MSRA: variants seen among roughly 807,000 people sequenced by gnomAD.
MSRA encodes methionine sulfoxide reductase A.
In MSRA, 54 loss-of-function variants were observed where a neutral mutation model predicts 31.3. The ratio of observed to expected loss-of-function variants is 1.73; its 90% CI spans 1.39 to 2.17. The LOEUF (loss-of-function observed/expected upper bound fraction) is 2.17. Ranked by LOEUF, MSRA falls within the 30% of genes most tolerant of loss-of-function variation. The pLI is 0.00. For missense variants in MSRA, 507 were observed against 300.9 expected (o/e 1.69, Z -5.07); for synonymous variants, 169 against 116.5 (o/e 1.45, Z -2.90).
At chr8:10,326,905 G>T (rs964012778) in intron 5 of MSRA, among the ~76,000 whole-genome samples, 6 of 152,154 alleles carry the variant, frequency 3.9e-5, no homozygotes, top group Non-Finnish European at 7.3e-5. Flanking sequence ...CTTCCATCCT[G>T]AGAATGTGAC....
intron 5 of MSRA, among the ~76,000 whole-genome samples, chr8:10,350,339 G>A (rs1419519054): frequency 1.3e-5 from 2 of 152,162 alleles, no homozygotes; most frequent in South Asian, 4.1e-4. Flanking sequence ...CCAAGTCTTC[G>A]GCCGCTGCAT....
intron 1 of MSRA, among the ~76,000 whole-genome samples, chr8:10,106,184 G>A (rs969294007): frequency 6.6e-6 from 1 of 152,174 alleles, no homozygotes; most frequent in African/African-American, 2.4e-5. Context: ...GTGGAAGTCA[G>A]ACCTTGAGGT....
chr8:10,420,621 A>C (rs1442704363), intron 5 of MSRA, among the ~76,000 whole-genome samples: 1 of 151,998 alleles, frequency 6.6e-6, no homozygotes, highest in Non-Finnish European at 1.5e-5. Context: ...AGAGTTACTA[A>C]CCCAGCCAGG....
At chr8:10,427,695 C>A (rs1300378255) in intron 5 of MSRA, among the ~76,000 whole-genome samples, 1 of 152,178 alleles carries the variant, frequency 6.6e-6, no homozygotes, top group Non-Finnish European at 1.5e-5. Context: ...CTGTCCATCC[C>A]TACCCTGTCC....
At chr8:10,339,970 T>G (rs1011997298) in intron 5 of MSRA, among the ~76,000 whole-genome samples, 1 of 152,180 alleles carries the variant, frequency 6.6e-6, no homozygotes, top group Non-Finnish European at 1.5e-5. Context: ...TCTTAAAATC[T>G]TCATGGATCC....
chr8:10,278,806 TAAAGTTGATTTC>T (rs1364585297), intron 3 of MSRA, among the ~76,000 whole-genome samples: 1 of 152,202 alleles, frequency 6.6e-6, no homozygotes, highest in Non-Finnish European at 1.5e-5. Flanking sequence ...GACAGTCTTT[TAAAGTTGATTTC>T]AAAGGACCTG....
rs1403170913 is a variant in MSRA at position 10,334,164 on chromosome 8, G to C, written c.543+14175G>C. ...TCTTATCTTACCAACTAACATATAGGGGTGTGTGTGTGTGTGTGTATTTAT... is the reference window on the plus strand; with the variant it reads ...TCTTATCTTACCAACTAACATATAGCGGTGTGTGTGTGTGTGTGTATTTAT... On this transcript the variant is annotated intron_variant, in intron 5 of 5. Coordinates refer to ENST00000317173, the MANE Select transcript of MSRA (RefSeq NM_012331.5). Among the ~76,000 whole-genome samples the C allele has an allele frequency of 4.5e-5, 6 of 133,690 alleles. No homozygotes were observed. In the Admixed American group the frequency reaches 4.6e-4, roughly 10 times the overall value. The allele number at this position is 133,690 out of a possible 152,430, so 87.7% of individuals were successfully genotyped here.
chr8:10,144,271 G>C (rs1342935074), intron 1 of MSRA, among the ~76,000 whole-genome samples: 3 of 152,120 alleles, frequency 2.0e-5, no homozygotes, highest in Admixed American at 6.5e-5. Context: ...GTTAAGCCAT[G>C]CTTGTTAATA....
chr8:10,271,716 G>C (rs1799048277), intron 3 of MSRA, among the ~76,000 whole-genome samples: 1 of 115,088 alleles, frequency 8.7e-6, no homozygotes, highest in Non-Finnish European at 1.8e-5. Context: ...TCCATGGGTA[G>C]TCTTTTTTTT....
At chr8:10,101,659 T>G (rs1763558889) in intron 1 of MSRA, among the ~76,000 whole-genome samples, 1 of 152,220 alleles carries the variant, frequency 6.6e-6, no homozygotes, top group Non-Finnish European at 1.5e-5. Flanking sequence ...TGTGACTGGC[T>G]TCTTTCACTT....
At chr8:10,075,401 A>G (rs920768396) in intron 1 of MSRA, among the ~76,000 whole-genome samples, 12 of 152,364 alleles carry the variant, frequency 7.9e-5, no homozygotes, top group African/African-American at 2.6e-4. Flanking sequence ...TAGCACAAAC[A>G]TCTTTAGAAA....
intron 3 of MSRA, among the ~76,000 whole-genome samples, chr8:10,294,716 C>G (rs1276541536): frequency 6.6e-6 from 1 of 152,178 alleles, no homozygotes; most frequent in Admixed American, 6.5e-5. Flanking sequence ...TGTCATTGCA[C>G]TGCGGGCTAC....
chr8:10,238,249 T>C (rs970000393), intron 2 of MSRA, among the ~76,000 whole-genome samples: 2 of 152,210 alleles, frequency 1.3e-5, no homozygotes, highest in Non-Finnish European at 2.9e-5. Flanking sequence ...CTCCATGGCT[T>C]TGTTTGCAGT....
intron 1 of MSRA, among the ~76,000 whole-genome samples, chr8:10,073,456 A>C (rs1022830028): frequency 4.6e-5 from 7 of 152,182 alleles, no homozygotes; most frequent in East Asian, 1.9e-4. Context: ...TGACCATATG[A>C]CCCTCAAAAC....
intron 1 of MSRA, among the ~76,000 whole-genome samples, chr8:10,097,391 C>G (rs1799230574): frequency 1.3e-5 from 2 of 152,130 alleles, no homozygotes; most frequent in Non-Finnish European, 2.9e-5. Context: ...GAAAGACATG[C>G]TGATAGGCAC....
intron 5 of MSRA, among the ~76,000 whole-genome samples, chr8:10,374,649 A>G (rs1166573890): frequency 4.6e-5 from 7 of 152,190 alleles, no homozygotes; most frequent in Admixed American, 6.5e-5. Context: ...AACCATTCAG[A>G]GTCTGACAGT....
At chr8:10,142,146 C>T (rs558281252) in intron 1 of MSRA, among the ~76,000 whole-genome samples, 4 of 152,212 alleles carry the variant, frequency 2.6e-5, no homozygotes, top group Admixed American at 1.3e-4. Flanking sequence ...TTAGTAGAGA[C>T]GGGGTTTCTC....
intron 5 of MSRA, among the ~76,000 whole-genome samples, chr8:10,396,090 C>T (rs1563432556): frequency 6.6e-6 from 1 of 152,186 alleles, no homozygotes; most frequent in Non-Finnish European, 1.5e-5. Context: ...ACCTTTTCAT[C>T]TCTCAGGCCT....
At chr8:10,152,969 A>G (rs1803840464) in intron 1 of MSRA, among the ~76,000 whole-genome samples, 2 of 152,220 alleles carry the variant, frequency 1.3e-5, no homozygotes, top group South Asian at 2.1e-4. Flanking sequence ...ATTCATAGAG[A>G]CAGAAGGTAG....
Sources: allele counts gnomAD v4.1 joint callset (sites outside exome capture counted in the v4.1 genomes callset), GRCh38; gene constraint gnomAD v4.1.1; transcripts MANE v1.5; gene names NCBI Gene and HGNC (gene_info 2026-07-23, HGNC 2026-07-21).